The following ZNF629 variants were observed in gnomAD, a reference collection of about 807,000 sequenced individuals.
ZNF629 encodes the protein zinc finger protein 629, also known as DNA-binding protein.
Under a neutral mutation model 59.7 loss-of-function variants are expected in ZNF629, and 9 were observed. That is an observed-to-expected ratio of 0.15 (90% CI 0.09 to 0.26). The LOEUF is 0.26. Among genes scored for constraint, ZNF629 ranks in the 10% least tolerant of loss-of-function variants. The pLI, the probability that ZNF629 is intolerant of heterozygous loss-of-function variation, is 1.00. For synonymous variants in ZNF629, 509 were observed against 498.9 expected, an observed-to-expected ratio of 1.02 and a Z score of -0.27; for missense variants, 853 against 1,165.4, an observed-to-expected ratio of 0.73 and a Z score of 3.90.
rs1369962129 is a variant in ZNF629, at chr16:30,782,092, G to T, written c.2236C>A (p.Pro746Thr). Residue 746 changes from proline (P) to threonine (T), a missense_variant, in exon 3 of 3, where the codon CCA becomes ACA. Around this residue, in one of 3 missense-constraint regions of ZNF629, gnomAD observed 420 missense variants for 435.6 expected, o/e 0.96. Transcript: ENST00000262525. Reference protein sequence around the residue: ...HAGGKSSQKSPELGKSSSVLL... With the variant: ...HAGGKSSQKSTELGKSSSVLL... ...ACGGAAGAGCTCTTCCCCAGCTCTGGACTCTTCTGGGAGCTCTTCCCGCCT... is the reference window on the plus strand; with the variant it reads ...ACGGAAGAGCTCTTCCCCAGCTCTGTACTCTTCTGGGAGCTCTTCCCGCCT... 6.3e-7 allele frequency: 1 copy of T among 1,596,578 alleles called. No homozygotes were observed.
rs928907536 is a variant in ZNF629, at chr16:30,786,507, G to A, written c.-34+521C>T. ...GCCAGGCACGCCAGCCTGAGACCTC[G>A]CGATGGCCCCACTGCAGAGGGAGGG... On this transcript the variant is annotated intron_variant, in intron 1 of 2. Coordinates refer to ENST00000262525, the MANE Select transcript of ZNF629 (RefSeq NM_001080417.3). The surrounding 1 kb of genome is among the most constrained non-coding windows in gnomAD (Gnocchi z 4.8). Among the ~76,000 whole-genome samples the A allele has an allele frequency of 6.6e-6, 1 of 152,146 alleles. No individual in the cohort carries two copies. Among genetic ancestry groups the A allele is most frequent in the African/African-American group, 2.4e-5 (1 of 41,436 alleles).
rs1246683426 is a variant in ZNF629 at position 30,782,035 on chromosome 16, C to T, written c.2293G>A (p.Ala765Thr). ...LLEHLRSPLGARPYRCSDCRA... is the reference protein window; with the variant it reads ...LLEHLRSPLGTRPYRCSDCRA... ...CAATCTGAGCAGCGGTAGGGTCTGG[C>T]CCCCAGGGGGCTCCTGAGATGCTCC... The change falls in exon 3 of 3, where the codon GCC (alanine) becomes ACC (threonine). Residue 765 changes from alanine to threonine, a missense_variant. Ala to Thr is a moderately conservative substitution (Grantham distance 58). Around this residue, in one of 3 missense-constraint regions of ZNF629, gnomAD observed 420 missense variants for 435.6 expected, o/e 0.96. Coordinates refer to ENST00000262525, the MANE Select transcript of ZNF629 (RefSeq NM_001080417.3). 3 of 1,573,440 alleles carry T rather than the reference C, an allele frequency of 1.9e-6. No individual in the cohort carries two copies. Among genetic ancestry groups the T allele is most frequent in the African/African-American group, 1.4e-5 (1 of 73,292 alleles).
chr16:30,785,722 C>A (rs1422942384), intron 1 of ZNF629, among the ~76,000 whole-genome samples: 1 of 152,030 alleles, frequency 6.6e-6, no homozygotes, highest in East Asian at 1.9e-4. Context: ...TGAATAGGTG[C>A]TCCAGAAACT....
Position 30,783,921 on chromosome 16 carries a change from C to G in ZNF629, c.407G>C (p.Arg136Pro). The change falls in exon 3 of 3, where the codon CGG becomes CCG. Residue 136 changes from arginine (R) to proline (P), a missense_variant. Physicochemically the swap from Arg to Pro is moderately radical, Grantham distance 103 (BLOSUM62 -2). This residue lies in a region of ZNF629 where 232 missense variants were observed against 193.4 expected (regional missense o/e 1.20). Coordinates refer to ENST00000262525, the MANE Select transcript of ZNF629 (RefSeq NM_001080417.3). ...PVVPANEPSL[R>P]ELVQGRPAGA... The stretch of plus-strand genomic sequence containing the variant: ...CGCCGGGCGGCCCTGCACCAGCTCC[C>G]GCAGGCTGGGCTCGTTGGCGGGGAC... The G allele has an allele frequency of 2.5e-6, 4 of 1,594,672 alleles. No individual in the cohort carries two copies. Among genetic ancestry groups the G allele is most frequent in the Non-Finnish European group, 3.4e-6 (4 of 1,169,862 alleles).
In ZNF629 at chr16:30,786,567, G is replaced by T. The variant is rs1436540922; in HGVS notation, c.-34+461C>A. ...CCGCCTCCCGAGAGATGTGGGGAAC[G>T]GCCCAGGGTGACCCTGACATGGAGG... On this transcript the variant is annotated intron_variant, in intron 1 of 2. Transcript: ENST00000262525. The surrounding 1 kb of genome is among the most constrained non-coding windows in gnomAD (Gnocchi z 4.8). 6.6e-6 allele frequency among the ~76,000 whole-genome samples: 1 copy of T among 152,124 alleles called. No homozygotes were observed. Among genetic ancestry groups the T allele is most frequent in the African/African-American group, 2.4e-5 (1 of 41,426 alleles).
chr16:30,783,267 C>G lies in ZNF629; in HGVS notation c.1061G>C (p.Ser354Thr). Residue 354 changes from serine to threonine, a missense_variant, in exon 3 of 3, where the codon AGC (serine) becomes ACC (threonine). Ser to Thr is a moderately conservative substitution (Grantham distance 58). Coordinates refer to ENST00000262525, the MANE Select transcript of ZNF629 (RefSeq NM_001080417.3). Reference sequence around the variant, plus strand: ...GATGAGGGTGGAGCTGTGGCCGAAGCTCTTGCCGCACTCTAGGCACTCGTA... The same window carrying G: ...GATGAGGGTGGAGCTGTGGCCGAAGGTCTTGCCGCACTCTAGGCACTCGTA... ...KPYECLECGK[S>T]FGHSSTLIKH... 1 of 1,613,760 alleles carries G rather than the reference C, an allele frequency of 6.2e-7. No homozygotes were observed. Among genetic ancestry groups the G allele is most frequent in the Non-Finnish European group, 8.5e-7 (1 of 1,179,918 alleles).
chr16:30,782,942 G>A lies in ZNF629; in HGVS notation c.1386C>T (p.Asp462=). ...HTGEKPYKCS[D]CGKSFIRSSH... ...AGCTGCGGATGAAGCTCTTGCCGCA[G>A]TCGGAACACTTGTAGGGCTTCTCAC... Residue 462 remains aspartate (D), a synonymous_variant, in exon 3 of 3, where the codon GAC becomes GAT. Coordinates refer to ENST00000262525, the MANE Select transcript of ZNF629 (RefSeq NM_001080417.3). 2 of 1,611,476 alleles carry A rather than the reference G, an allele frequency of 1.2e-6. No individual in the cohort carries two copies. Among genetic ancestry groups the A allele is most frequent in the Non-Finnish European group, 1.7e-6 (2 of 1,179,276 alleles).
At position 30,783,557 on chromosome 16, in the gene ZNF629, G is replaced by A. The variant is rs772052302; in HGVS notation, c.771C>T (p.Thr257=). 438 of 1,613,114 alleles carry A rather than the reference G, an allele frequency of 2.7e-4. No homozygotes were observed. The highest frequency in any genetic ancestry group is 3.6e-4 in the Non-Finnish European group (420 of 1,179,804). ...TNLIKHQRSH[T]GEKPYKCGEC... ...CGCCGCACTTGTAGGGCTTCTCGCCGGTGTGGGATCGCTGGTGCTTGATGA... is the reference window on the plus strand; with the variant it reads ...CGCCGCACTTGTAGGGCTTCTCGCCAGTGTGGGATCGCTGGTGCTTGATGA... Residue 257 remains threonine, a synonymous_variant, in exon 3 of 3, where the codon ACC becomes ACT. Transcript: ENST00000262525.
chr16:30,782,400 G>A lies in ZNF629; in HGVS notation c.1928C>T (p.Pro643Leu), dbSNP rs888611263. ...RAEAPGQPLK[P>L]PEGQEGFSQR... The stretch of plus-strand genomic sequence containing the variant: ...GCTGAAGCCCTCCTGACCCTCCGGC[G>A]GCTTAAGGGGCTGTCCGGGGGCCTC... The change falls in exon 3 of 3, where the codon CCG (proline) becomes CTG (leucine). Residue 643 changes from proline to leucine, a missense_variant. Physicochemically the swap from Pro to Leu is moderately conservative, Grantham distance 98 (BLOSUM62 -3). This residue lies in a region of ZNF629 where 420 missense variants were observed against 435.6 expected (regional missense o/e 0.96). Coordinates refer to ENST00000262525, the MANE Select transcript of ZNF629 (RefSeq NM_001080417.3). 4.5e-6 allele frequency: 7 copies of A among 1,570,376 alleles called. No homozygotes were observed. Among genetic ancestry groups the A allele is most frequent in the African/African-American group, 1.4e-5 (1 of 73,948 alleles).
rs376196570 is a variant in ZNF629 at position 30,782,275 on chromosome 16, C to G, written c.2053G>C (p.Gly685Arg). 6.2e-7 allele frequency: 1 copy of G among 1,612,634 alleles called. No individual in the cohort carries two copies. The highest frequency in any genetic ancestry group is 1.3e-5 in the African/African-American group (1 of 74,892). The change falls in exon 3 of 3, where the codon GGC becomes CGC. Residue 685 changes from glycine to arginine, a missense_variant. By Grantham distance (125) the Gly-to-Arg change is moderately radical (BLOSUM62 -2). Coordinates refer to ENST00000262525, the MANE Select transcript of ZNF629 (RefSeq NM_001080417.3). ...SVLLQHQLTH[G>R]NEKPFLFPDY... ...GGAAAGAGAAAGGGCTTTTCGTTGC[C>G]GTGGGTGAGCTGATGCTGGAGGAGC...
At position 30,784,429 on chromosome 16, in the gene ZNF629, G is replaced by T. The variant is rs1463679529; in HGVS notation, c.54C>A (p.Ser18Arg). ...WGPDLQGPEQ[S>R]PNDAHRGAES... ...CCTCACCTCTGTGAGCATCGTTGGGGCTCTGTTCCGGACCCTGCAGATCCG... is the reference window on the plus strand; with the variant it reads ...CCTCACCTCTGTGAGCATCGTTGGGTCTCTGTTCCGGACCCTGCAGATCCG... Residue 18 changes from serine (S) to arginine (R), a missense_variant, in exon 2 of 3, where the codon AGC becomes AGA. Transcript: ENST00000262525. The T allele has an allele frequency of 3.2e-6, 5 of 1,567,380 alleles. No individual in the cohort carries two copies. Among genetic ancestry groups the T allele is most frequent in the East Asian group, 2.4e-5 (1 of 42,360 alleles).
rs1173521497 is a variant in ZNF629 at position 30,780,303 on chromosome 16, G to A, written c.*1415C>T. 1.3e-5 allele frequency: 2 copies of A among 152,494 alleles called. No individual in the cohort carries two copies. Among genetic ancestry groups the A allele is most frequent in the Non-Finnish European group, 2.9e-5 (2 of 68,056 alleles). 9.4% of individuals were successfully genotyped at this position (152,494 alleles called of 1,614,324 possible). On this transcript the variant is annotated 3_prime_UTR_variant, in exon 3 of 3. Transcript: ENST00000262525. ...GGACCTGTGGCTCAGTCTGTGGGGT[G>A]TCTGGATCCCCACCAGGGAGGAGGG... is the stretch of plus-strand genomic sequence containing the variant.
At chr16:30,784,646 A>AT (rs1486390131) in intron 1 of ZNF629, 131 bp from the exon 2 acceptor site, 1 of 640,168 alleles carries the variant, frequency 1.6e-6, no homozygotes, top group Non-Finnish European at 2.4e-6. Context: ...CTCCCACCCC[A>AT]TTTTTCTGGG....
rs775909508 is a variant in ZNF629, at chr16:30,781,765, C to T, written c.2563G>A (p.Ala855Thr). 13 of 1,612,746 alleles carry T rather than the reference C, an allele frequency of 8.1e-6. No homozygotes were observed. The highest frequency in any genetic ancestry group is 4.5e-5 in the East Asian group (2 of 44,822). ...PECGAGFTEV[A>T]ALLLHRSCHP... ...CAGCTCCTATGGAGCAGGAGGGCTG[C>T]GACTTCTGTGAAGCCGGCTCCACAC... The change falls in exon 3 of 3, where the codon GCA (alanine) becomes ACA (threonine). Residue 855 changes from alanine (A) to threonine (T), a missense_variant. Around this residue, in one of 3 missense-constraint regions of ZNF629, gnomAD observed 420 missense variants for 435.6 expected, o/e 0.96. Transcript: ENST00000262525.
chr16:30,782,430 C>G lies in ZNF629; in HGVS notation c.1898G>C (p.Arg633Thr). The change falls in exon 3 of 3, where the codon AGA (arginine) becomes ACA (threonine). Residue 633 changes from arginine to threonine, a missense_variant. Around this residue, in one of 3 missense-constraint regions of ZNF629, gnomAD observed 420 missense variants for 435.6 expected, o/e 0.96. Coordinates refer to ENST00000262525, the MANE Select transcript of ZNF629 (RefSeq NM_001080417.3). ...AAGGGGCTGTCCGGGGGCCTCCGCT[C>G]TGCCCTCCGCAGCCCCGGGGTAGGA... ...GNSYPGAAEG[R>T]AEAPGQPLKP... 6.4e-7 allele frequency: 1 copy of G among 1,566,220 alleles called. No individual in the cohort carries two copies. The highest frequency in any genetic ancestry group is 8.7e-7 in the Non-Finnish European group (1 of 1,155,056).
In ZNF629 at chr16:30,782,292, T is replaced by C. The variant is rs200655215; in HGVS notation, c.2036A>G (p.Gln679Arg). 1.6e-5 allele frequency: 26 copies of C among 1,612,408 alleles called. No individual in the cohort carries two copies. The Admixed American group carries it at 3.2e-4, about 20-fold the overall frequency. The change falls in exon 3 of 3, where the codon CAG (glutamine) becomes CGG (arginine). Residue 679 changes from glutamine to arginine, a missense_variant. By Grantham distance (43) the Gln-to-Arg change is conservative (BLOSUM62 1). Around this residue, in one of 3 missense-constraint regions of ZNF629, gnomAD observed 420 missense variants for 435.6 expected, o/e 0.96. Coordinates refer to ENST00000262525, the MANE Select transcript of ZNF629 (RefSeq NM_001080417.3). ...TTCGTTGCCGTGGGTGAGCTGATGC[T>C]GGAGGAGCACAGAGCGATCCAGGAA... Reference protein sequence around the residue: ...ESFLDRSVLLQHQLTHGNEKP... With the variant: ...ESFLDRSVLLRHQLTHGNEKP...
rs1243408707 is a variant in ZNF629, at chr16:30,781,672, G to A, written c.*46C>T. 6.7e-7 allele frequency: 1 copy of A among 1,488,112 alleles called. No individual in the cohort carries two copies. 92.2% of individuals were successfully genotyped at this position (1,488,112 alleles called of 1,614,324 possible). ...TAATTTTTTTGGGGGAAAAAATCCA[G>A]TGTTCCTCTCTGGAGAGAGCGAGGC... is the stretch of plus-strand genomic sequence containing the variant. On this transcript the variant is annotated 3_prime_UTR_variant, in exon 3 of 3. Coordinates refer to ENST00000262525, the MANE Select transcript of ZNF629 (RefSeq NM_001080417.3).
Position 30,782,067 on chromosome 16 carries a change from A to T in ZNF629, c.2261T>A (p.Val754Asp). ...KSPELGKSSS[V>D]LLEHLRSPLG... is the part of the protein sequence containing the mutation. Reference sequence around the variant, plus strand: ...GGGGCTCCTGAGATGCTCCAGGAGGACGGAAGAGCTCTTCCCCAGCTCTGG... The same window carrying T: ...GGGGCTCCTGAGATGCTCCAGGAGGTCGGAAGAGCTCTTCCCCAGCTCTGG... The change falls in exon 3 of 3, where the codon GTC becomes GAC. Residue 754 changes from valine to aspartate, a missense_variant. Val to Asp is a radical substitution (Grantham distance 152). This residue lies in a region of ZNF629 where 420 missense variants were observed against 435.6 expected (regional missense o/e 0.96). Transcript: ENST00000262525. 6.3e-7 allele frequency: 1 copy of T among 1,575,464 alleles called. No individual in the cohort carries two copies. The highest frequency in any genetic ancestry group is 8.6e-7 in the Non-Finnish European group (1 of 1,160,926).
Position 30,783,766 on chromosome 16 carries a change from T to C in ZNF629, c.562A>G (p.Thr188Ala). 6.2e-7 allele frequency: 1 copy of C among 1,613,636 alleles called. No individual in the cohort carries two copies. The highest frequency in any genetic ancestry group is 1.7e-5 in the Admixed American group (1 of 59,976). The change falls in exon 3 of 3, where the codon ACG becomes GCG. Residue 188 changes from threonine to alanine, a missense_variant. Thr to Ala is a moderately conservative substitution (Grantham distance 58). This residue lies in a region of ZNF629 where 201 missense variants were observed against 536.5 expected (regional missense o/e 0.37). Transcript: ENST00000262525. Reference sequence around the variant, plus strand: ...TGCTGCACCAGGTGCGAGCTCTGCGTGAAGCTCTTGCCGCACTCGGAGCAG... The same window carrying C: ...TGCTGCACCAGGTGCGAGCTCTGCGCGAAGCTCTTGCCGCACTCGGAGCAG... ...NTCSECGKSF[T>A]QSSHLVQHQR... is the part of the protein sequence containing the mutation.
Sources: allele counts gnomAD v4.1 joint callset (sites outside exome capture counted in the v4.1 genomes callset), GRCh38; gene constraint gnomAD v4.1.1; regional missense constraint gnomAD v4.1.1; non-coding constraint Gnocchi (gnomAD v3.1); transcripts MANE v1.5; gene names NCBI Gene and HGNC (gene_info 2026-07-23, HGNC 2026-07-21).